CD81: variants seen among roughly 807,000 people sequenced by gnomAD.
CD81 encodes CD81 antigen.
In CD81, 10 loss-of-function variants were observed where a neutral mutation model predicts 30.1. The ratio of observed to expected loss-of-function variants is 0.33; its 90% CI spans 0.21 to 0.56. The LOEUF (loss-of-function observed/expected upper bound fraction) is 0.56, where lower values mean the gene tolerates loss of function less well. Among genes scored for constraint, CD81 ranks in the 20% least tolerant of loss-of-function variants. CD81 has a pLI of 0.89. For synonymous variants in CD81, 147 were observed against 126.4 expected (o/e 1.16, Z -1.10); for missense variants, 263 against 308.7 (o/e 0.85, Z 1.11).
intron 1 of CD81, among the ~76,000 whole-genome samples, chr11:2,388,361 CGGGG>C (rs374920163): frequency 6.6e-6 from 1 of 152,174 alleles, no homozygotes; most frequent in South Asian, 2.1e-4. Context: ...CCGGCCTGAC[CGGGG>C]GGTCCTCAGG....
chr11:2,394,138 T>G lies in CD81; in HGVS notation c.225T>G (p.Val75=). The G allele has an allele frequency of 6.2e-7, 1 of 1,613,154 alleles. No homozygotes were observed. The highest frequency in any genetic ancestry group is 8.5e-7 in the Non-Finnish European group (1 of 1,179,868). Residue 75 remains valine, a synonymous_variant, in exon 3 of 8, where the codon GTT becomes GTG. Coordinates refer to ENST00000263645, the MANE Select transcript of CD81 (RefSeq NM_004356.4). The part of the protein sequence containing the change: ...LIAVGAVMMF[V]GFLGCYGAIQ... ...CTGTGGGCGCTGTCATGATGTTCGT[T>G]GGCTTCCTGGGCTGCTACGGGGCCA...
intron 1 of CD81, among the ~76,000 whole-genome samples, chr11:2,388,821 TGA>T (rs1385320580): frequency 2.6e-5 from 4 of 152,016 alleles, no homozygotes; most frequent in African/African-American, 9.7e-5. Context: ...TGGCCCTCCT[TGA>T]GAGTGGCATG....
chr11:2,394,025 C>T (rs756024872), intron 2 of CD81, 70 bp from the exon 3 acceptor site: 2 of 1,274,612 alleles, frequency 1.6e-6, no homozygotes, highest in Non-Finnish European at 2.3e-6. Context: ...GGTTCGGCAC[C>T]CAGGACCCTC....
In CD81 at chr11:2,397,055, G is replaced by A. The variant is rs1850026054; in HGVS notation, c.*189G>A. 1.5e-6 allele frequency: 1 copy of A among 647,252 alleles called. No individual in the cohort carries two copies. 40.1% of individuals were successfully genotyped at this position (647,252 alleles called of 1,614,324 possible). A position where few individuals can be genotyped will look rare whatever the true frequency, so the allele number is the denominator to read the frequency against. On this transcript the variant is annotated 3_prime_UTR_variant, in exon 8 of 8. Coordinates refer to ENST00000263645, the MANE Select transcript of CD81 (RefSeq NM_004356.4). ...TACCTTTTCAGGGCTGACGTCACAT[G>A]TAGGTGGCGTGTATGAGTGGAGACG...
chr11:2,388,100 G>T (rs933749599), intron 1 of CD81, among the ~76,000 whole-genome samples: 7 of 152,156 alleles, frequency 4.6e-5, no homozygotes, highest in African/African-American at 1.4e-4. Flanking sequence ...AGGCTGGAGT[G>T]CAGTGGCACA....
At chr11:2,382,659 T>G (rs1849724259) in intron 1 of CD81, 2 of 152,308 alleles carry the variant, frequency 1.3e-5, no homozygotes, top group Admixed American at 1.3e-4. Flanking sequence ...GGGTCCTCAC[T>G]TCTCTCCCCA....
chr11:2,381,101 G>A (rs925984355), intron 1 of CD81, among the ~76,000 whole-genome samples: 2 of 152,254 alleles, frequency 1.3e-5, no homozygotes, highest in African/African-American at 4.8e-5. Context: ...GTTTCACCAA[G>A]TGGGTGTGTG....
chr11:2,394,955 C>T lies in CD81; in HGVS notation c.280-17C>T. On this transcript the variant is annotated splice_polypyrimidine_tract_variant and intron_variant, in intron 3 of 7. Coordinates refer to ENST00000263645, the MANE Select transcript of CD81 (RefSeq NM_004356.4). Reference sequence around the variant, plus strand: ...AGCCTGCCCTCTTTCCTCCCTCTGGCCACTGCCCGGCTCCAGTTCTTCACC... The same window carrying T: ...AGCCTGCCCTCTTTCCTCCCTCTGGTCACTGCCCGGCTCCAGTTCTTCACC... 1 of 1,611,190 alleles carries T rather than the reference C, an allele frequency of 6.2e-7. No individual in the cohort carries two copies. The highest frequency in any genetic ancestry group is 8.5e-7 in the Non-Finnish European group (1 of 1,178,968).
intron 1 of CD81, among the ~76,000 whole-genome samples, chr11:2,386,899 C>T (rs993621527): frequency 4.6e-5 from 7 of 152,238 alleles, no homozygotes; most frequent in Admixed American, 6.5e-5. Context: ...CTGCAACCCT[C>T]GGCAGAGGCC....
chr11:2,395,860 T>C lies in CD81; in HGVS notation c.460-9T>C. ...TCCAGGGCTGACCTTGCACCCCTGC[T>C]CTCTGCAGCTTGACTGCTGTGGCTC... On this transcript the variant is annotated splice_polypyrimidine_tract_variant and intron_variant, in intron 5 of 7. Coordinates refer to ENST00000263645, the MANE Select transcript of CD81 (RefSeq NM_004356.4). 1 of 1,600,828 alleles carries C rather than the reference T, an allele frequency of 6.2e-7. No individual in the cohort carries two copies. The highest frequency in any genetic ancestry group is 8.5e-7 in the Non-Finnish European group (1 of 1,169,908).
intron 1 of CD81, among the ~76,000 whole-genome samples, chr11:2,388,432 C>T (rs1001936464): frequency 6.8e-6 from 1 of 147,176 alleles, no homozygotes; most frequent in Admixed American, 6.6e-5. Flanking sequence ...CTCTGCTGAG[C>T]ACAGCCCCCT....
At chr11:2,376,592 G>A (rs1849595723), upstream of CD81, among the ~76,000 whole-genome samples, 2 of 152,224 alleles carry the variant, frequency 1.3e-5, no homozygotes, top group African/African-American at 2.4e-5. Context: ...GACACAACCA[G>A]GATGTAGACG....
chr11:2,377,950 T>G lies in CD81; in HGVS notation c.66+335T>G. On this transcript the variant is annotated intron_variant, in intron 1 of 7. Transcript: ENST00000263645. The surrounding 1 kb of genome is among the most constrained non-coding windows in gnomAD (Gnocchi z 7.7). ...CGGGACCCGAGTACCCGGCCGCCCC[T>G]CAGCTAAGGAGGGGCCTGCGCGGGT... 1 of 159,924 alleles carries G rather than the reference T, an allele frequency of 6.3e-6. No individual in the cohort carries two copies. 9.9% of individuals were successfully genotyped at this position (159,924 alleles called of 1,614,324 possible). A position where few individuals can be genotyped will look rare whatever the true frequency, so the allele number is the denominator to read the frequency against.
chr11:2,382,796 G>A (rs1013420155), intron 1 of CD81, among the ~76,000 whole-genome samples: 1 of 152,244 alleles, frequency 6.6e-6, no homozygotes, highest in African/African-American at 2.4e-5. Flanking sequence ...ACTCACCCCA[G>A]GACAGGCGAA....
At chr11:2,381,752 A>G (rs1194412200) in intron 1 of CD81, among the ~76,000 whole-genome samples, 4 of 152,136 alleles carry the variant, frequency 2.6e-5, no homozygotes, top group Non-Finnish European at 4.4e-5. Flanking sequence ...TGGGCGTGCT[A>G]TGGGTGCTGG....
At chr11:2,382,365 T>C (rs372413596) in intron 1 of CD81, 1 of 152,262 alleles carries the variant, frequency 6.6e-6, no homozygotes, top group African/African-American at 2.4e-5. Flanking sequence ...AGGTGTGAGA[T>C]TCCAAATGCT....
intron 2 of CD81, chr11:2,391,053 C>T: frequency 8.7e-6 from 2 of 229,890 alleles, no homozygotes; most frequent in East Asian, 1.1e-4. Flanking sequence ...GACTGGGCTG[C>T]CCTCCCTGCC....
chr11:2,388,723 G>A (rs574627932), intron 1 of CD81, among the ~76,000 whole-genome samples: 1 of 145,588 alleles, frequency 6.9e-6, no homozygotes, highest in South Asian at 2.1e-4. Flanking sequence ...GGGGGGTTGT[G>A]CCCTCGTGGC....
Position 2,390,410 on chromosome 11 carries a change from A to G in CD81, c.67-2A>G, listed in dbSNP as rs1209137116. ...TGTGACACTGTTCCCGCTCTTTCCC[A>G]GCTGGCTGGAGGCGTGATCCTGGGT... On this transcript the variant is annotated splice_acceptor_variant, in intron 1 of 7. Coordinates refer to ENST00000263645, the MANE Select transcript of CD81 (RefSeq NM_004356.4). LOFTEE classifies it high-confidence loss of function. 6.2e-7 allele frequency: 1 copy of G among 1,611,218 alleles called. No individual in the cohort carries two copies. The highest frequency in any genetic ancestry group is 1.7e-5 in the Admixed American group (1 of 60,022).
Sources: gnomAD v4.1 joint callset for allele counts (sites outside exome capture counted in the v4.1 genomes callset) on GRCh38, gnomAD v4.1.1 for gene constraint, Gnocchi (gnomAD v3.1) non-coding constraint, MANE v1.5 for transcripts, NCBI Gene and HGNC (gene_info 2026-07-23, HGNC 2026-07-21) for gene names.